The following EPM2A variants were observed in gnomAD, a reference collection of about 807,000 sequenced individuals.
The protein encoded by EPM2A is EPM2A glucan phosphatase, laforin.
In EPM2A, 21 loss-of-function variants were observed where a neutral mutation model predicts 26.5. The observed-to-expected ratio is 0.79, with a 90% confidence interval of 0.56 to 1.14. The LOEUF (loss-of-function observed/expected upper bound fraction) is 1.14, where lower values mean the gene tolerates loss of function less well. EPM2A is among the 50% of genes most tolerant of loss of function. The pLI is 0.00. For synonymous variants in EPM2A, 217 were observed against 177.6 expected, an observed-to-expected ratio of 1.22 and a Z score of -1.76; for missense variants, 458 against 440.8, an observed-to-expected ratio of 1.04 and a Z score of -0.35.
At position 145,627,699 on chromosome 6, in the gene EPM2A, G is replaced by C; in HGVS notation, c.719-6C>G. The C allele has an allele frequency of 1.2e-6, 2 of 1,613,800 alleles. No homozygotes were observed. Among genetic ancestry groups the C allele is most frequent in the Non-Finnish European group, 1.7e-6 (2 of 1,179,996 alleles). ...GGGCAGCATCTGTACTCGGCCTGCG[G>C]TGGGGAAAGCACAGCACACATGTGA... On this transcript the variant is annotated splice_region_variant and splice_polypyrimidine_tract_variant and intron_variant, in intron 3 of 3. Transcript: ENST00000367519.
intron 4 of EPM2A, among the ~76,000 whole-genome samples, chr6:145,390,151 T>C (rs1352306246): frequency 1.3e-5 from 2 of 152,170 alleles, no homozygotes; most frequent in East Asian, 3.9e-4. Context: ...ATTGGACACC[T>C]AAGGAAGAAC....
chr6:145,634,062 T>A (rs1216748573), intron 3 of EPM2A, among the ~76,000 whole-genome samples: 1 of 152,146 alleles, frequency 6.6e-6, no homozygotes, highest in Non-Finnish European at 1.5e-5. Context: ...TTGTACATAA[T>A]ATACATTTGG....
chr6:145,628,832 A>T (rs930748178), intron 3 of EPM2A: 1 of 152,238 alleles, frequency 6.6e-6, no homozygotes, highest in African/African-American at 2.4e-5. Flanking sequence ...AGCCACTCCC[A>T]TGTTTAGACT....
chr6:145,476,317 C>G (rs545288223), intron 4 of EPM2A, among the ~76,000 whole-genome samples: 30 of 151,948 alleles, frequency 2.0e-4, no homozygotes, highest in African/African-American at 7.2e-4. Flanking sequence ...GATATAGGCC[C>G]CAATACAATA....
At chr6:145,708,087 C>A (rs1489156328) in intron 1 of EPM2A, among the ~76,000 whole-genome samples, 1 of 152,158 alleles carries the variant, frequency 6.6e-6, no homozygotes, top group Non-Finnish European at 1.5e-5. Context: ...CATTTGGGCC[C>A]TGCCCTAGAG....
chr6:145,468,591 A>G (rs1462284105), intron 4 of EPM2A, among the ~76,000 whole-genome samples: 2 of 151,890 alleles, frequency 1.3e-5, no homozygotes, highest in Non-Finnish European at 2.9e-5. Flanking sequence ...GCAGAAGAAT[A>G]AAACTAGACC....
At chr6:145,576,998 C>A (rs1056137614) in intron 2 of EPM2A, among the ~76,000 whole-genome samples, 4 of 149,808 alleles carry the variant, frequency 2.7e-5, no homozygotes, top group African/African-American at 7.4e-5. Context: ...TTCATGGTAA[C>A]CACATTGTCA....
At chr6:145,632,580 G>A (rs1169820309) in intron 3 of EPM2A, among the ~76,000 whole-genome samples, 1 of 152,128 alleles carries the variant, frequency 6.6e-6, no homozygotes, top group African/African-American at 2.4e-5. Context: ...TATGACAAAA[G>A]CATGCAAGAG....
At chr6:145,618,622 A>G (rs1224118686) in intron 2 of EPM2A, among the ~76,000 whole-genome samples, 5 of 152,248 alleles carry the variant, frequency 3.3e-5, no homozygotes, top group South Asian at 2.1e-4. Flanking sequence ...TCCTGCTGCT[A>G]TGTGAAGAAG....
Position 145,501,815 on chromosome 6 carries a change from G to A in EPM2A, c.427C>T (p.Gln143Ter), listed in dbSNP as rs1165316353. The A allele has an allele frequency of 6.4e-6, 3 of 470,982 alleles. No individual in the cohort carries two copies. In the East Asian group the frequency reaches 2.1e-4, roughly 33 times the overall value. 29.2% of individuals were successfully genotyped at this position (470,982 alleles called of 1,614,324 possible). A position where few individuals can be genotyped will look rare whatever the true frequency, so the allele number is the denominator to read the frequency against. ...AGGGAGATATTTGTGTCTTACTTTT[G>A]TTTTAAGTAATCCAGAATCCCAAGG... The change falls in exon 4 of 4, where the codon CAA becomes TAA. Residue 143 changes from glutamine to a stop codon, truncating the protein, a stop_gained. Transcript: ENST00000450221. LOFTEE classifies it high-confidence loss of function.
chr6:145,620,100 G>A (rs1323639641), intron 2 of EPM2A, among the ~76,000 whole-genome samples: 1 of 152,182 alleles, frequency 6.6e-6, no homozygotes, highest in East Asian at 1.9e-4. Flanking sequence ...TAAAATCTCT[G>A]AAATTGTTTA....
At chr6:145,703,115 C>T (rs1161385909) in intron 1 of EPM2A, among the ~76,000 whole-genome samples, 8 of 127,882 alleles carry the variant, frequency 6.3e-5, no homozygotes, top group Admixed American at 1.8e-4. Flanking sequence ...TTTTTCGAGA[C>T]GGAGTCTCGC....
At chr6:145,486,439 T>C (rs1779679235) in intron 4 of EPM2A, among the ~76,000 whole-genome samples, 1 of 152,206 alleles carries the variant, frequency 6.6e-6, no homozygotes, top group African/African-American at 2.4e-5. Flanking sequence ...TAGCTATTTT[T>C]CCTCTGCTAT....
intron 2 of EPM2A, among the ~76,000 whole-genome samples, chr6:145,605,187 T>A (rs1034935740): frequency 2.0e-5 from 3 of 152,174 alleles, no homozygotes; most frequent in African/African-American, 7.2e-5. Flanking sequence ...TATTTTATTT[T>A]CCTTTGAGAG....
chr6:145,461,774 C>T (rs1365691567), intron 4 of EPM2A, among the ~76,000 whole-genome samples: 1 of 152,140 alleles, frequency 6.6e-6, no homozygotes, highest in Non-Finnish European at 1.5e-5. Context: ...CAATAGTGAG[C>T]CCCAGCTATG....
intron 2 of EPM2A, among the ~76,000 whole-genome samples, chr6:145,585,382 C>T (rs1187584045): frequency 1.3e-5 from 2 of 152,112 alleles, no homozygotes; most frequent in Non-Finnish European, 2.9e-5. Flanking sequence ...TTGAAGTTTT[C>T]TCACAGCTCA....
At chr6:145,561,055 G>C (rs907393313) in intron 2 of EPM2A, among the ~76,000 whole-genome samples, 8 of 151,666 alleles carry the variant, frequency 5.3e-5, no homozygotes, top group African/African-American at 1.7e-4. Context: ...ATATACTGTA[G>C]TATATGTTTC....
At chr6:145,579,799 T>C (rs1234661483) in intron 2 of EPM2A, among the ~76,000 whole-genome samples, 1 of 152,150 alleles carries the variant, frequency 6.6e-6, no homozygotes, top group African/African-American at 2.4e-5. Context: ...TTTGGATTAA[T>C]TTAATTTTAT....
chr6:145,438,494 G>C (rs1426243650), intron 4 of EPM2A, among the ~76,000 whole-genome samples: 2 of 82,404 alleles, frequency 2.4e-5, no homozygotes, highest in African/African-American at 7.4e-5. Context: ...TTTTTTTTTA[G>C]ATGGAGTCTT....
Sources: allele counts gnomAD v4.1 joint callset (sites outside exome capture counted in the v4.1 genomes callset), GRCh38; gene constraint gnomAD v4.1.1; transcripts MANE v1.5; gene names NCBI Gene and HGNC (gene_info 2026-07-23, HGNC 2026-07-21).